NXPH1: variants seen among roughly 807,000 people sequenced by gnomAD.
NXPH1 encodes neurexophilin-1.
A neutral mutation model predicts 23.7 loss-of-function variants in NXPH1; 5 were observed. The ratio of observed to expected loss-of-function variants is 0.21; its 90% CI spans 0.11 to 0.44. NXPH1 has a LOEUF of 0.44. NXPH1 is among the 20% of genes least tolerant of loss of function. The probability of loss-of-function intolerance (pLI) is 0.99; values close to 1 mark genes in which losing one functional copy is unlikely to be tolerated. For missense variants in NXPH1, 324 were observed against 321.6 expected (o/e 1.01, Z -0.06); for synonymous variants, 144 against 122.2 (o/e 1.18, Z -1.18).
chr7:8,740,066 A>G (rs1780334683), intron 2 of NXPH1, among the ~76,000 whole-genome samples: 1 of 152,212 alleles, frequency 6.6e-6, no homozygotes, highest in African/African-American at 2.4e-5. Context: ...TGTTTGGATT[A>G]TTTGAGCTGA....
chr7:8,626,383 AC>A (rs1354242105), intron 2 of NXPH1, among the ~76,000 whole-genome samples: 1 of 147,782 alleles, frequency 6.8e-6, no homozygotes, highest in Non-Finnish European at 1.5e-5. Context: ...CATGCAGTTT[AC>A]TTTTTTTTTT....
In NXPH1 at chr7:8,442,449, A is replaced by T. The variant is rs1487464490; in HGVS notation, c.54+6682A>T. 6.6e-6 allele frequency among the ~76,000 whole-genome samples: 1 copy of T among 152,170 alleles called. No individual in the cohort carries two copies. The highest frequency in any genetic ancestry group is 1.5e-5 in the Non-Finnish European group (1 of 68,024). ...GCGAAGGATCCTAGCTGCCGCGGCTAAGGGCGCAGGGGGAGGCCGCGCGTC... is the reference window on the plus strand; with the variant it reads ...GCGAAGGATCCTAGCTGCCGCGGCTTAGGGCGCAGGGGGAGGCCGCGCGTC... On this transcript the variant is annotated intron_variant, in intron 2 of 2. Transcript: ENST00000405863. The surrounding 1 kb of genome is among the most constrained non-coding windows in gnomAD (Gnocchi z 4.6).
rs147261148 is a variant in NXPH1 at position 8,727,574 on chromosome 7, G to A, written c.55-23434G>A. Among the ~76,000 whole-genome samples, 1,333 of 152,164 alleles carry A rather than the reference G, an allele frequency of 8.8e-3. 18 individuals are homozygous for A. Among genetic ancestry groups the A allele is most frequent in the African/African-American group, 0.029 (1,221 of 41,484 alleles). ...TACATATTGCTAGCCAGGTTTCCCA[G>A]CACCATTTATTAAATAGGGAATCCT... On this transcript the variant is annotated intron_variant, in intron 2 of 2. Coordinates refer to ENST00000405863, the MANE Select transcript of NXPH1 (RefSeq NM_152745.3).
intron 2 of NXPH1, among the ~76,000 whole-genome samples, chr7:8,590,231 C>T (rs117648880): frequency 0.012 from 1,761 of 152,132 alleles, 21 homozygotes; most frequent in South Asian, 0.057. Flanking sequence ...GGTTTAGATA[C>T]GAAACTCTGC....
At chr7:8,651,764 T>A (rs1230529836) in intron 2 of NXPH1, among the ~76,000 whole-genome samples, 1 of 152,182 alleles carries the variant, frequency 6.6e-6, no homozygotes, top group Non-Finnish European at 1.5e-5. Context: ...AGAAAAACAT[T>A]AAGAGAATCA....
At chr7:8,480,027 T>C (rs1332146975) in intron 2 of NXPH1, among the ~76,000 whole-genome samples, 2 of 151,918 alleles carry the variant, frequency 1.3e-5, no homozygotes, top group Admixed American at 1.3e-4. Context: ...TGTATACAAG[T>C]GATAAAACTA....
At chr7:8,615,614 T>G (rs1305841488) in intron 2 of NXPH1, among the ~76,000 whole-genome samples, 1 of 152,126 alleles carries the variant, frequency 6.6e-6, no homozygotes, top group Non-Finnish European at 1.5e-5. Flanking sequence ...ATAACTATTA[T>G]GTCAATATTT....
intron 2 of NXPH1, among the ~76,000 whole-genome samples, chr7:8,505,722 T>C (rs995736448): frequency 6.6e-6 from 1 of 152,100 alleles, no homozygotes; most frequent in African/African-American, 2.4e-5. Context: ...CATTCAATCA[T>C]TCAATAAAAG....
chr7:8,485,822 T>A (rs1817149250), intron 2 of NXPH1, among the ~76,000 whole-genome samples: 2 of 152,190 alleles, frequency 1.3e-5, no homozygotes, highest in African/African-American at 4.8e-5. Flanking sequence ...CAGGTATTGA[T>A]TAGGACCCTC....
chr7:8,751,681 C>G lies in NXPH1; in HGVS notation c.728C>G (p.Ser243Cys), dbSNP rs1216026873. The change falls in exon 3 of 3, where the codon TCC becomes TGC. Residue 243 changes from serine (S) to cysteine (C), a missense_variant. Transcript: ENST00000405863. The surrounding 1 kb of genome is among the most constrained non-coding windows in gnomAD (Gnocchi z 4.5). Reference protein sequence around the residue: ...KPFKVICIYISFYSTDYKLVQ... With the variant: ...KPFKVICIYICFYSTDYKLVQ... ...TTTAAGGTGATCTGTATTTACATTT[C>G]CTTTTATAGTACAGATTATAAACTG... 1 of 1,612,822 alleles carries G rather than the reference C, an allele frequency of 6.2e-7. No individual in the cohort carries two copies. The highest frequency in any genetic ancestry group is 1.3e-5 in the African/African-American group (1 of 74,892).
intron 2 of NXPH1, among the ~76,000 whole-genome samples, chr7:8,526,469 T>A (rs991944804): frequency 1.3e-5 from 2 of 152,176 alleles, no homozygotes; most frequent in Non-Finnish European, 2.9e-5. Flanking sequence ...TGATTGGTTT[T>A]GAAATGTGAG....
intron 2 of NXPH1, among the ~76,000 whole-genome samples, chr7:8,665,114 A>G (rs1239309521): frequency 6.6e-6 from 1 of 151,818 alleles, no homozygotes; most frequent in Non-Finnish European, 1.5e-5. Flanking sequence ...TGTTTTGGAG[A>G]TTTCCCCTAT....
intron 2 of NXPH1, among the ~76,000 whole-genome samples, chr7:8,573,881 A>G (rs1818700257): frequency 6.6e-6 from 1 of 152,106 alleles, no homozygotes; most frequent in Non-Finnish European, 1.5e-5. Context: ...ACATAAATTG[A>G]TTTTTACACA....
At position 8,442,199 on chromosome 7, in the gene NXPH1, G is replaced by A. The variant is rs1456523249; in HGVS notation, c.54+6432G>A. On this transcript the variant is annotated intron_variant, in intron 2 of 2. Coordinates refer to ENST00000405863, the MANE Select transcript of NXPH1 (RefSeq NM_152745.3). This position sits in a 1 kb window ranked among gnomAD's most constrained non-coding sequence, Gnocchi z 4.6. ...TTCAAGCCGGAAATACGATGGGGAGGGGGAGACACAGGCCGCATCCAGAGC... is the reference window on the plus strand; with the variant it reads ...TTCAAGCCGGAAATACGATGGGGAGAGGGAGACACAGGCCGCATCCAGAGC... Among the ~76,000 whole-genome samples the A allele has an allele frequency of 6.6e-6, 1 of 152,152 alleles. No homozygotes were observed. The highest frequency in any genetic ancestry group is 1.5e-5 in the Non-Finnish European group (1 of 68,010).
intron 2 of NXPH1, among the ~76,000 whole-genome samples, chr7:8,437,882 A>C (rs1202152039): frequency 3.9e-5 from 6 of 152,264 alleles, no homozygotes; most frequent in African/African-American, 1.4e-4. Context: ...TTTCACTCAA[A>C]ACAATACGAA....
At position 8,731,316 on chromosome 7, in the gene NXPH1, C is replaced by T. The variant is rs532833367; in HGVS notation, c.55-19692C>T. ...CTCCCGTAGCTCAGAGTAATTTGAT[C>T]GTCTGAAGCCTTCTTCTCTCAGCTC... On this transcript the variant is annotated intron_variant, in intron 2 of 2. Coordinates refer to ENST00000405863, the MANE Select transcript of NXPH1 (RefSeq NM_152745.3). Among the ~76,000 whole-genome samples, 7 of 152,222 alleles carry T rather than the reference C, an allele frequency of 4.6e-5. No individual in the cohort carries two copies. In the South Asian group the frequency reaches 6.2e-4, roughly 14 times the overall value.
At chr7:8,581,381 A>G (rs1255276406) in intron 2 of NXPH1, among the ~76,000 whole-genome samples, 2 of 152,156 alleles carry the variant, frequency 1.3e-5, no homozygotes, top group Non-Finnish European at 2.9e-5. Context: ...GAAACTTACA[A>G]TCATGACGGA....
chr7:8,540,675 G>C (rs1229630946), intron 2 of NXPH1, among the ~76,000 whole-genome samples: 1 of 151,730 alleles, frequency 6.6e-6, no homozygotes, highest in African/African-American at 2.4e-5. Flanking sequence ...CAATTCAGTG[G>C]AATAATAATT....
intron 2 of NXPH1, among the ~76,000 whole-genome samples, chr7:8,683,628 T>A (rs886141153): frequency 2.0e-5 from 3 of 152,234 alleles, no homozygotes; most frequent in African/African-American, 7.2e-5. Context: ...ATCTTTAATT[T>A]AAAAATAACC....
Sources: gnomAD v4.1 joint callset for allele counts (sites outside exome capture counted in the v4.1 genomes callset) on GRCh38, gnomAD v4.1.1 for gene constraint, Gnocchi (gnomAD v3.1) non-coding constraint, MANE v1.5 for transcripts, NCBI Gene and HGNC (gene_info 2026-07-23, HGNC 2026-07-21) for gene names.